The following SERPINI1 variants were observed in gnomAD, a reference collection of about 807,000 sequenced individuals.
SERPINI1 encodes the protein serpin family I member 1.
In SERPINI1, 19 loss-of-function variants were observed where a neutral mutation model predicts 41.1. The observed-to-expected ratio is 0.46, with a 90% CI of 0.32 to 0.68. The LOEUF (loss-of-function observed/expected upper bound fraction) is 0.68. Among genes scored for constraint, SERPINI1 ranks in the 30% least tolerant of loss-of-function variants. The pLI, the probability that SERPINI1 is intolerant of heterozygous loss-of-function variation, is 0.03. For synonymous variants in SERPINI1, 138 were observed against 156.6 expected, an observed-to-expected ratio of 0.88 and a Z score of 0.89; for missense variants, 460 against 479.2, an observed-to-expected ratio of 0.96 and a Z score of 0.37.
In SERPINI1 at chr3:167,748,058, C is replaced by G. The variant is rs56990293; in HGVS notation, c.-19+12235C>G. Among the ~76,000 whole-genome samples, 367 of 151,060 alleles carry G rather than the reference C, an allele frequency of 2.4e-3. 3 individuals carry two copies. Among genetic ancestry groups the G allele is most frequent in the African/African-American group, 8.3e-3 (343 of 41,264 alleles). On this transcript the variant is annotated intron_variant, in intron 1 of 8. Coordinates refer to ENST00000446050, the MANE Select transcript of SERPINI1 (RefSeq NM_001122752.2). Reference sequence around the variant, plus strand: ...ACTTCTTTATATCTTATTTTTCACTCAGAAAATATAATACTTAGGAACAAA... The same window carrying G: ...ACTTCTTTATATCTTATTTTTCACTGAGAAAATATAATACTTAGGAACAAA...
chr3:167,778,844 A>G (rs1727035629), intron 1 of SERPINI1, among the ~76,000 whole-genome samples: 1 of 152,232 alleles, frequency 6.6e-6, no homozygotes, highest in African/African-American at 2.4e-5. Flanking sequence ...CTTTAAAGTT[A>G]AGCCATAAGC....
intron 1 of SERPINI1, among the ~76,000 whole-genome samples, chr3:167,786,262 G>C (rs1200350102): frequency 6.6e-6 from 1 of 152,146 alleles, no homozygotes; most frequent in African/African-American, 2.4e-5. Flanking sequence ...CAGCACTTTG[G>C]GAGGCCAAGG....
chr3:167,759,446 T>TA (rs1726306852), intron 1 of SERPINI1, among the ~76,000 whole-genome samples: 2 of 132,016 alleles, frequency 1.5e-5, no homozygotes, highest in African/African-American at 2.9e-5. Context: ...TATGCAGCCA[T>TA]AAAAAAGAAT....
At chr3:167,760,253 C>G (rs1198800526) in intron 1 of SERPINI1, among the ~76,000 whole-genome samples, 1 of 151,878 alleles carries the variant, frequency 6.6e-6, no homozygotes, top group Non-Finnish European at 1.5e-5. Context: ...GTTATGATGT[C>G]TCATCAATTC....
intron 5 of SERPINI1, among the ~76,000 whole-genome samples, chr3:167,800,628 T>A (rs1727868447): frequency 6.6e-6 from 1 of 152,182 alleles, no homozygotes; most frequent in Non-Finnish European, 1.5e-5. Flanking sequence ...TAGTCTCAGA[T>A]TTGTCATTTG....
chr3:167,796,897 G>A (rs546881247), intron 5 of SERPINI1, among the ~76,000 whole-genome samples: 3 of 152,080 alleles, frequency 2.0e-5, no homozygotes, highest in Non-Finnish European at 4.4e-5. Context: ...GGGATTGCTG[G>A]GTCAAATGGT....
At chr3:167,806,734 T>C (rs35759488) in intron 5 of SERPINI1, among the ~76,000 whole-genome samples, 17,976 of 152,156 alleles carry the variant, frequency 0.12, 1,442 homozygotes, top group Non-Finnish European at 0.17. Context: ...TTTAACCTTG[T>C]CCATGGCATT....
chr3:167,756,014 G>C (rs2108537177), intron 1 of SERPINI1, among the ~76,000 whole-genome samples: 1 of 152,150 alleles, frequency 6.6e-6, no homozygotes, highest in East Asian at 1.9e-4. Flanking sequence ...AGCACCACTA[G>C]AGGCTAATTA....
chr3:167,777,321 CTT>C (rs1177466011), intron 1 of SERPINI1, among the ~76,000 whole-genome samples: 1 of 150,340 alleles, frequency 6.7e-6, no homozygotes, highest in Non-Finnish European at 1.5e-5. Context: ...TTGACATTAT[CTT>C]AAGTTCTAAA....
intron 1 of SERPINI1, among the ~76,000 whole-genome samples, chr3:167,786,397 A>T (rs548769017): frequency 9.4e-4 from 142 of 151,348 alleles, no homozygotes; most frequent in Non-Finnish European, 1.8e-3. Flanking sequence ...AGTCCCAGCT[A>T]CTTGGGAGGC....
At chr3:167,742,096 T>G (rs1725699265) in intron 1 of SERPINI1, among the ~76,000 whole-genome samples, 1 of 152,076 alleles carries the variant, frequency 6.6e-6, no homozygotes, top group Non-Finnish European at 1.5e-5. Flanking sequence ...GGAAAAAAAT[T>G]TAAAATGCCA....
Position 167,825,271 on chromosome 3 carries a change from T to TCATG in SERPINI1, c.1185_1188dup (p.Pro397AlafsTer3), listed in dbSNP as rs1251584151. 6.2e-7 allele frequency: 1 copy of TCATG among 1,613,328 alleles called. No individual in the cohort carries two copies. The highest frequency in any genetic ancestry group is 8.5e-7 in the Non-Finnish European group (1 of 1,179,320). On this transcript the variant is annotated frameshift_variant, in exon 9 of 9. Transcript: ENST00000446050. LOFTEE classifies it high-confidence loss of function. ...GGTACAATTCTATTCATGGGACGAG[T>TCATG]CATGCATCCTGAAACAATGAACACA... is the stretch of plus-strand genomic sequence containing the variant.
Position 167,792,753 on chromosome 3 carries a change from A to C in SERPINI1, c.645A>C (p.Pro215=). ...ATGATGAAAGTGAAGTCCAAATTCC[A>C]ATGATGTATCAGCAAGGAGAATTTT... The part of the protein sequence containing the change: ...TKDDESEVQI[P]MMYQQGEFYY... The change falls in exon 4 of 9, where the codon CCA becomes CCC. Residue 215 remains proline, a synonymous_variant. Transcript: ENST00000446050. 1.2e-6 allele frequency: 2 copies of C among 1,613,834 alleles called. No homozygotes were observed. The highest frequency in any genetic ancestry group is 1.7e-6 in the Non-Finnish European group (2 of 1,179,852).
At chr3:167,777,233 A>G (rs551667289) in intron 1 of SERPINI1, among the ~76,000 whole-genome samples, 1 of 152,238 alleles carries the variant, frequency 6.6e-6, no homozygotes, top group South Asian at 2.1e-4. Flanking sequence ...TCTCTCTACT[A>G]CTACAAAACC....
chr3:167,784,444 G>A (rs1253365719), intron 1 of SERPINI1, among the ~76,000 whole-genome samples: 1 of 152,118 alleles, frequency 6.6e-6, no homozygotes, highest in African/African-American at 2.4e-5. Context: ...CATTAGTTGG[G>A]CAACAGAGAT....
chr3:167,758,101 C>T (rs111945945), intron 1 of SERPINI1, among the ~76,000 whole-genome samples: 26 of 152,290 alleles, frequency 1.7e-4, no homozygotes, highest in African/African-American at 5.8e-4. Flanking sequence ...TTTTGAATGT[C>T]TCCGTATCTT....
At chr3:167,746,856 TTGGA>T (rs1330825894) in intron 1 of SERPINI1, among the ~76,000 whole-genome samples, 1 of 152,232 alleles carries the variant, frequency 6.6e-6, no homozygotes, top group African/African-American at 2.4e-5. Flanking sequence ...TGCTGTCACT[TTGGA>T]AAACAGTTTA....
At chr3:167,737,299 T>C (rs1725496099) in intron 1 of SERPINI1, among the ~76,000 whole-genome samples, 1 of 152,096 alleles carries the variant, frequency 6.6e-6, no homozygotes, top group Non-Finnish European at 1.5e-5. Context: ...AACAGCTGCT[T>C]TTTAATTACC....
intron 5 of SERPINI1, among the ~76,000 whole-genome samples, chr3:167,804,920 A>G (rs1235068671): frequency 6.6e-6 from 1 of 152,152 alleles, no homozygotes; most frequent in Non-Finnish European, 1.5e-5. Flanking sequence ...GATACAATTC[A>G]TTAGTTTGGG....
Sources: allele counts gnomAD v4.1 joint callset (sites outside exome capture counted in the v4.1 genomes callset), GRCh38; gene constraint gnomAD v4.1.1; transcripts MANE v1.5; gene names NCBI Gene and HGNC (gene_info 2026-07-23, HGNC 2026-07-21).